The following LMO2 variants were observed in gnomAD, a reference collection of about 807,000 sequenced individuals.
The protein encoded by LMO2 is rhombotin-2.
A neutral mutation model predicts 23.2 loss-of-function variants in LMO2; 20 were observed. That is an observed-to-expected ratio of 0.86 (90% confidence interval 0.61 to 1.25). The LOEUF is 1.25. Ranked by LOEUF, LMO2 falls within the 50% of genes most tolerant of loss-of-function variation. The probability of loss-of-function intolerance (pLI) is 0.00; values close to 1 mark genes in which losing one functional copy is unlikely to be tolerated. For missense variants in LMO2, 270 were observed against 315.3 expected, an observed-to-expected ratio of 0.86 and a Z score of 1.09; for synonymous variants, 123 against 130.2, an observed-to-expected ratio of 0.94 and a Z score of 0.38.
chr11:33,869,744 T>TC lies in LMO2; in HGVS notation c.-29dup. On this transcript the variant is annotated 5_prime_UTR_variant, in exon 3 of 6. Coordinates refer to ENST00000257818, the MANE Select transcript of LMO2 (RefSeq NM_005574.4). ...CGGTCCCGCCGCCGCCACCGCCCGG[T>TC]CCCTCTCGCGCGCTGTCGCCGGCTC... 7.9e-7 allele frequency: 1 copy of TC among 1,264,372 alleles called. No homozygotes were observed. 78.3% of individuals were successfully genotyped at this position (1,264,372 alleles called of 1,614,324 possible).
At chr11:33,891,252 A>G (rs1857538684) in intron 1 of LMO2, among the ~76,000 whole-genome samples, 1 of 152,014 alleles carries the variant, frequency 6.6e-6, no homozygotes. Context: ...ACCCCATTAC[A>G]ATCTTTGCCC....
chr11:33,868,653 A>G (rs1273582200), intron 4 of LMO2, among the ~76,000 whole-genome samples: 3 of 152,174 alleles, frequency 2.0e-5, no homozygotes, highest in Non-Finnish European at 4.4e-5. Context: ...AAAAACTACG[A>G]GACTCTACTC....
At chr11:33,860,038 C>T (rs1384684920) in intron 5 of LMO2, among the ~76,000 whole-genome samples, 1 of 152,214 alleles carries the variant, frequency 6.6e-6, no homozygotes, top group Non-Finnish European at 1.5e-5. Flanking sequence ...GGCTCCCAAA[C>T]TCTATCATGT....
chr11:33,876,675 C>A (rs1857144589), intron 2 of LMO2, among the ~76,000 whole-genome samples: 1 of 152,196 alleles, frequency 6.6e-6, no homozygotes, highest in Non-Finnish European at 1.5e-5. Flanking sequence ...CTCTTTGAAG[C>A]CTGACTCTCC....
intron 1 of LMO2, among the ~76,000 whole-genome samples, chr11:33,887,673 C>T (rs1857445744): frequency 6.6e-6 from 1 of 151,836 alleles, no homozygotes; most frequent in Admixed American, 6.6e-5. Flanking sequence ...ACCTCCCAAG[C>T]AGCTGTGTGT....
intron 1 of LMO2, among the ~76,000 whole-genome samples, chr11:33,891,389 A>C (rs1156503059): frequency 2.6e-5 from 1 of 39,050 alleles, no homozygotes; most frequent in East Asian, 1.1e-3. Flanking sequence ...ACACACACAC[A>C]TGCACACACA....
intron 2 of LMO2, among the ~76,000 whole-genome samples, chr11:33,873,104 C>T (rs908620815): frequency 1.3e-4 from 20 of 152,106 alleles, no homozygotes; most frequent in Non-Finnish European, 2.6e-4. Flanking sequence ...TTATTACTTT[C>T]CTTGTCACAG....
chr11:33,888,749 C>A (rs375825488), intron 1 of LMO2, among the ~76,000 whole-genome samples: 105 of 152,348 alleles, frequency 6.9e-4, no homozygotes, highest in African/African-American at 2.3e-3. Flanking sequence ...CTGTCTCCCC[C>A]TCTCAAGTTT....
chr11:33,864,740 C>T lies in LMO2; in HGVS notation c.326G>A (p.Arg109His), dbSNP rs752833795. The T allele has an allele frequency of 1.1e-5, 18 of 1,613,878 alleles. No individual in the cohort carries two copies. Among genetic ancestry groups the T allele is most frequent in the East Asian group, 4.5e-5 (2 of 44,896 alleles). The change falls in exon 5 of 6, where the codon CGC becomes CAC. Residue 109 changes from arginine to histidine, a missense_variant. Arg to His is a conservative substitution (Grantham distance 29). This residue lies in a region of LMO2 where 170 missense variants were observed against 162.0 expected (regional missense o/e 1.05). Transcript: ENST00000257818. The surrounding 1 kb of genome is among the most constrained non-coding windows in gnomAD (Gnocchi z 4.8). ...CTGGTCGATGGCCTTCAGGAAGTAG[C>T]GGTCCCCAATGTTCTGCTGGCAGCC... ...CGGCQQNIGD[R>H]YFLKAIDQYW...
chr11:33,869,549 G>A lies in LMO2; in HGVS notation c.45C>T (p.Ser15=). 2 of 1,283,742 alleles carry A rather than the reference G, an allele frequency of 1.6e-6. No homozygotes were observed. The highest frequency in any genetic ancestry group is 2.0e-6 in the Non-Finnish European group (2 of 1,003,098). The allele number at this position is 1,283,742 out of a possible 1,614,324, so 79.5% of individuals were successfully genotyped here. A position where few individuals can be genotyped will look rare whatever the true frequency, so the allele number is the denominator to read the frequency against. Residue 15 remains serine, a synonymous_variant, in exon 4 of 6, where the codon AGC becomes AGT. Transcript: ENST00000257818. The part of the protein sequence containing the change: ...AVTVLERGGA[S]SPAERRSKRR... The stretch of plus-strand genomic sequence containing the variant: ...GCTTGCTCCGGCGCTCCGCCGGCGA[G>A]CTCGCCCCTCCGCGCTCAAGGACAG...
At chr11:33,866,461 C>T (rs1856786285) in intron 4 of LMO2, among the ~76,000 whole-genome samples, 1 of 152,094 alleles carries the variant, frequency 6.6e-6, no homozygotes, top group Admixed American at 6.5e-5. Context: ...GTGGCAAAAT[C>T]CTGTTTCTAC....
At chr11:33,866,303 T>C (rs1856780500) in intron 4 of LMO2, among the ~76,000 whole-genome samples, 1 of 152,168 alleles carries the variant, frequency 6.6e-6, no homozygotes, top group South Asian at 2.1e-4. Flanking sequence ...CTATCATCTT[T>C]GGAACAAGAA....
chr11:33,881,422 T>A (rs2133712980), intron 2 of LMO2: 1 of 456,488 alleles, frequency 2.2e-6, no homozygotes, highest in Admixed American at 2.3e-5. Flanking sequence ...TCTCTATCAC[T>A]CCAACAAGTC....
intron 1 of LMO2, among the ~76,000 whole-genome samples, chr11:33,891,179 T>A (rs911132623): frequency 6.6e-6 from 1 of 152,190 alleles, no homozygotes. Context: ...CTCATCCGCC[T>A]TGGTTTTTCA....
intron 2 of LMO2, among the ~76,000 whole-genome samples, chr11:33,874,288 A>G (rs1424178130): frequency 3.3e-5 from 5 of 152,226 alleles, no homozygotes; most frequent in African/African-American, 1.2e-4. Flanking sequence ...CCCAAAATAC[A>G]TCTTTTAAAA....
In LMO2 at chr11:33,875,188, T is replaced by G. The variant is rs184284723; in HGVS notation, c.-271-5201A>C. ...CTACTCGTGGAGCTGTTCTAAGGAT[T>G]CTGTGAAATGAAGCAGATCAGGTGC... On this transcript the variant is annotated intron_variant, in intron 2 of 5. Coordinates refer to ENST00000257818, the MANE Select transcript of LMO2 (RefSeq NM_005574.4). Among the ~76,000 whole-genome samples the G allele has an allele frequency of 4.8e-3, 724 of 152,332 alleles. 5 individuals are homozygous for G. Among genetic ancestry groups the G allele is most frequent in the African/African-American group, 0.017 (686 of 41,572 alleles).
In LMO2 at chr11:33,869,440, G is replaced by A. The variant is rs1338720050; in HGVS notation, c.154C>T (p.Pro52Ser). Residue 52 changes from proline to serine, a missense_variant, in exon 4 of 6, where the codon CCC (proline) becomes TCC (serine). This residue lies in a region of LMO2 where 170 missense variants were observed against 162.0 expected (regional missense o/e 1.05). Transcript: ENST00000257818. Reference sequence around the variant, plus strand: ...GGGGGCGCTCCCTTTGTGGCGCGGGGCTGGCCGGCTGCCGGGGCTCGGACC... The same window carrying A: ...GGGGGCGCTCCCTTTGTGGCGCGGGACTGGCCGGCTGCCGGGGCTCGGACC... ...EGVRAPAAGQ[P>S]RATKGAPPPP... 4.2e-6 allele frequency: 5 copies of A among 1,198,178 alleles called. No individual in the cohort carries two copies. In the East Asian group the frequency reaches 1.5e-4, roughly 35 times the overall value. 74.2% of individuals were successfully genotyped at this position (1,198,178 alleles called of 1,614,324 possible).
In LMO2 at chr11:33,869,731, C is replaced by T; in HGVS notation, c.-15G>A. On this transcript the variant is annotated 5_prime_UTR_variant, in exon 3 of 6. Coordinates refer to ENST00000257818, the MANE Select transcript of LMO2 (RefSeq NM_005574.4). ...TAACCTTCCATCCCGGTCCCGCCGC[C>T]GCCACCGCCCGGTCCCTCTCGCGCG... 2 of 1,288,348 alleles carry T rather than the reference C, an allele frequency of 1.6e-6. No individual in the cohort carries two copies. The highest frequency in any genetic ancestry group is 1.0e-6 in the Non-Finnish European group (1 of 1,001,588). 79.8% of individuals were successfully genotyped at this position (1,288,348 alleles called of 1,614,324 possible).
intron 1 of LMO2, among the ~76,000 whole-genome samples, chr11:33,883,717 GT>G (rs1358014088): frequency 6.6e-6 from 1 of 152,108 alleles, no homozygotes; most frequent in Non-Finnish European, 1.5e-5. Context: ...TACATAGAGT[GT>G]TTTTTAGGCC....
Sources: allele counts gnomAD v4.1 joint callset (sites outside exome capture counted in the v4.1 genomes callset), GRCh38; gene constraint gnomAD v4.1.1; regional missense constraint gnomAD v4.1.1; non-coding constraint Gnocchi (gnomAD v3.1); transcripts MANE v1.5; gene names NCBI Gene and HGNC (gene_info 2026-07-23, HGNC 2026-07-21).